PTPRD: variants seen among roughly 807,000 people sequenced by gnomAD.
PTPRD encodes protein tyrosine phosphatase receptor type D, also known as receptor-type tyrosine-protein phosphatase delta.
In PTPRD, 34 loss-of-function variants were observed where a neutral mutation model predicts 214.5. The ratio of observed to expected loss-of-function variants is 0.16; its 90% CI spans 0.12 to 0.21. The LOEUF is 0.21. Among genes scored for constraint, PTPRD ranks in the 10% least tolerant of loss-of-function variants. The pLI is 1.00. For synonymous variants in PTPRD, 1,128 were observed against 845.7 expected (o/e 1.33, Z -5.79); for missense variants, 2,545 against 2,398.7 (o/e 1.06, Z -1.27).
chr9:10,375,480 G>C (rs536347070), intron 2 of PTPRD, among the ~76,000 whole-genome samples: 106 of 152,080 alleles, frequency 7.0e-4, no homozygotes, highest in Non-Finnish European at 1.2e-3. Context: ...GTGAGGAGAA[G>C]ATATCTGAAA....
chr9:8,934,482 T>TATATATAAATATATATATAA (rs1567100372), intron 11 of PTPRD, among the ~76,000 whole-genome samples: 3 of 7,670 alleles, frequency 3.9e-4, no homozygotes, highest in African/African-American at 1.1e-3. Context: ...TATATAAATA[T>TATATATAAATATATATATAA]ATATATATAT....
chr9:10,051,736 C>T (rs1054458270), intron 3 of PTPRD, among the ~76,000 whole-genome samples: 1 of 152,046 alleles, frequency 6.6e-6, no homozygotes, highest in Admixed American at 6.6e-5. Context: ...CTGTGCCAGG[C>T]ACCCTGTACC....
At chr9:10,498,762 G>T (rs2042866036) in intron 2 of PTPRD, among the ~76,000 whole-genome samples, 1 of 332 alleles carries the variant, frequency 3.0e-3, no homozygotes, top group African/African-American at 3.0e-3. Context: ...GGCCGGGCGC[G>T]GTGGCTCACG....
At chr9:9,810,401 C>T (rs926878639) in intron 5 of PTPRD, among the ~76,000 whole-genome samples, 1 of 152,002 alleles carries the variant, frequency 6.6e-6, no homozygotes, top group Admixed American at 6.6e-5. Context: ...CTGGTTTACT[C>T]TCTTGTTAAG....
intron 7 of PTPRD, among the ~76,000 whole-genome samples, chr9:9,613,639 T>C (rs558875725): frequency 6.6e-6 from 1 of 152,302 alleles, no homozygotes; most frequent in Admixed American, 6.5e-5. Flanking sequence ...CTCACTAATA[T>C]ATCGGTCTTT....
intron 2 of PTPRD, among the ~76,000 whole-genome samples, chr9:10,495,252 G>A (rs956718159): frequency 7.3e-5 from 11 of 151,674 alleles, no homozygotes; most frequent in Admixed American, 2.0e-4. Flanking sequence ...GTGCACTTGG[G>A]TACTCTACTG....
intron 8 of PTPRD, among the ~76,000 whole-genome samples, chr9:9,479,057 G>GT (rs2095264424): frequency 6.6e-6 from 1 of 151,906 alleles, no homozygotes; most frequent in African/African-American, 2.4e-5. Context: ...CATAAAGTCT[G>GT]TTTTTCCTTA....
In PTPRD at chr9:10,208,812, A is replaced by ATGCTT. The variant is rs537799315; in HGVS notation, c.-545+132146_-545+132150dup. Among the ~76,000 whole-genome samples the ATGCTT allele has an allele frequency of 1.7e-4, 26 of 152,304 alleles. No homozygotes were observed. The South Asian group carries it at 5.2e-3, about 30-fold the overall frequency. Reference sequence around the variant, plus strand: ...TTGAGTAAATATAAAAATGAAACAGATGCTTATTAATTAAGTGTGGGCAGG... The same window carrying ATGCTT: ...TTGAGTAAATATAAAAATGAAACAGATGCTTTGCTTATTAATTAAGTGTGGGCAGG... On this transcript the variant is annotated intron_variant, in intron 3 of 45. Coordinates refer to ENST00000381196, the MANE Select transcript of PTPRD (RefSeq NM_002839.4).
rs1470515413 is a variant in PTPRD at position 8,798,525 on chromosome 9, T to C, written c.-103-64579A>G. Among the ~76,000 whole-genome samples the C allele has an allele frequency of 4.6e-5, 7 of 152,326 alleles. No homozygotes were observed. The East Asian group carries it at 1.3e-3, about 29-fold the overall frequency. On this transcript the variant is annotated intron_variant, in intron 11 of 45. Coordinates refer to ENST00000381196, the MANE Select transcript of PTPRD (RefSeq NM_002839.4). ...TGGAAGATGTTTAAATCTACCCAAATCATTCTGAACCATCTTTAATAAAGA... is the reference window on the plus strand; with the variant it reads ...TGGAAGATGTTTAAATCTACCCAAACCATTCTGAACCATCTTTAATAAAGA...
chr9:8,470,710 A>G (rs1376317464), intron 31 of PTPRD, among the ~76,000 whole-genome samples: 1 of 152,114 alleles, frequency 6.6e-6, no homozygotes, highest in Non-Finnish European at 1.5e-5. Context: ...CACCTTCCAC[A>G]CCTCTACATC....
intron 10 of PTPRD, among the ~76,000 whole-genome samples, chr9:9,028,229 A>C (rs1056705107): frequency 2.0e-5 from 3 of 151,992 alleles, no homozygotes; most frequent in African/African-American, 7.2e-5. Flanking sequence ...CCATACTGAT[A>C]AGAAATTCAG....
At chr9:9,915,154 C>A (rs1180232774) in intron 5 of PTPRD, among the ~76,000 whole-genome samples, 1 of 152,140 alleles carries the variant, frequency 6.6e-6, no homozygotes, top group Non-Finnish European at 1.5e-5. Flanking sequence ...GACATGGAGA[C>A]AACACAAATG....
At chr9:10,138,529 A>C (rs1358260292) in intron 3 of PTPRD, among the ~76,000 whole-genome samples, 1 of 152,142 alleles carries the variant, frequency 6.6e-6, no homozygotes, top group African/African-American at 2.4e-5. Context: ...ACCATTCAAA[A>C]AAATCAAGGG....
At chr9:10,489,401 G>T (rs1407487108) in intron 2 of PTPRD, among the ~76,000 whole-genome samples, 1 of 152,124 alleles carries the variant, frequency 6.6e-6, no homozygotes, top group Non-Finnish European at 1.5e-5. Context: ...CTCTTTTGGA[G>T]CCACAAGCCA....
At chr9:9,496,675 T>C (rs920723748) in intron 8 of PTPRD, among the ~76,000 whole-genome samples, 3 of 152,182 alleles carry the variant, frequency 2.0e-5, no homozygotes, top group Non-Finnish European at 4.4e-5. Context: ...ATATAGCTGC[T>C]GTGGACAGTG....
intron 35 of PTPRD, among the ~76,000 whole-genome samples, chr9:8,423,816 T>C (rs1418868998): frequency 2.0e-5 from 3 of 152,008 alleles, no homozygotes; most frequent in African/African-American, 7.3e-5. Flanking sequence ...CCATCAACCA[T>C]CTGCTTTTTT....
intron 10 of PTPRD, among the ~76,000 whole-genome samples, chr9:9,123,075 G>A (rs1478114578): frequency 3.3e-5 from 5 of 152,168 alleles, no homozygotes; most frequent in Non-Finnish European, 7.4e-5. Flanking sequence ...GGAGAAATGA[G>A]AACCGAAGCA....
intron 11 of PTPRD, among the ~76,000 whole-genome samples, chr9:8,778,990 C>G (rs1412053507): frequency 1.3e-5 from 2 of 151,996 alleles, no homozygotes; most frequent in African/African-American, 4.8e-5. Context: ...GATATCTTCA[C>G]TCTAAATCAT....
chr9:8,600,572 A>G (rs1184834690), intron 14 of PTPRD, among the ~76,000 whole-genome samples: 1 of 151,750 alleles, frequency 6.6e-6, no homozygotes, highest in African/African-American at 2.4e-5. Context: ...GGATGCCCAC[A>G]CAGCCACAGT....
Sources: allele counts gnomAD v4.1 joint callset (sites outside exome capture counted in the v4.1 genomes callset), GRCh38; gene constraint gnomAD v4.1.1; transcripts MANE v1.5; gene names NCBI Gene and HGNC (gene_info 2026-07-23, HGNC 2026-07-21).